Variants in GTF2E2 observed in about 807,000 individuals in gnomAD.
GTF2E2 encodes the protein general transcription factor IIE subunit 2.
In GTF2E2, 21 loss-of-function variants were observed where a neutral mutation model predicts 40.5. That is an observed-to-expected ratio of 0.52 (90% CI 0.37 to 0.75). The LOEUF (loss-of-function observed/expected upper bound fraction) is 0.75, where lower values mean the gene tolerates loss of function less well. Ranked by LOEUF, GTF2E2 falls within the 30% of genes least tolerant of loss-of-function variation. The pLI, the probability that GTF2E2 is intolerant of heterozygous loss-of-function variation, is 0.00. For synonymous variants in GTF2E2, 117 were observed against 121.6 expected (o/e 0.96, Z 0.25); for missense variants, 298 against 338.4 (o/e 0.88, Z 0.94).
At chr8:30,595,421 GT>G (rs1828972447) in intron 6 of GTF2E2, among the ~76,000 whole-genome samples, 1 of 152,214 alleles carries the variant, frequency 6.6e-6, no homozygotes. Flanking sequence ...AATGTCTAAT[GT>G]CATACCTCTT....
intron 2 of GTF2E2, among the ~76,000 whole-genome samples, chr8:30,635,752 T>C (rs1456557645): frequency 1.3e-5 from 2 of 152,020 alleles, no homozygotes; most frequent in Admixed American, 6.6e-5. Context: ...GTACACTTTA[T>C]TAAACAAGGA....
intron 6 of GTF2E2, among the ~76,000 whole-genome samples, chr8:30,606,225 T>C (rs1202944065): frequency 6.6e-6 from 1 of 152,224 alleles, no homozygotes; most frequent in African/African-American, 2.4e-5. Flanking sequence ...ACATGTAAGA[T>C]ACTCAATTGG....
At chr8:30,651,097 T>G (rs957658140) in intron 2 of GTF2E2, among the ~76,000 whole-genome samples, 2 of 151,668 alleles carry the variant, frequency 1.3e-5, no homozygotes, top group African/African-American at 2.4e-5. Flanking sequence ...AAACCTGCAG[T>G]AATATCATGC....
intron 2 of GTF2E2, chr8:30,637,157 T>A (rs1801630050): frequency 4.4e-6 from 2 of 451,922 alleles, no homozygotes; most frequent in African/African-American, 4.0e-5. Flanking sequence ...CACAGATTAT[T>A]CCATCTGAAA....
rs185325016 is a variant in GTF2E2 at position 30,580,015 on chromosome 8, A to C, written c.759+266T>G. On this transcript the variant is annotated intron_variant, in intron 7 of 7. Coordinates refer to ENST00000355904, the MANE Select transcript of GTF2E2 (RefSeq NM_002095.6). Reference sequence around the variant, plus strand: ...AGCAGCTTAGAGTGGGAGAGTGGGGAACACACAGGCCCTGGAAGGTTCCAT... The same window carrying C: ...AGCAGCTTAGAGTGGGAGAGTGGGGCACACACAGGCCCTGGAAGGTTCCAT... 1.7e-3 allele frequency among the ~76,000 whole-genome samples: 255 copies of C among 152,254 alleles called. 1 individual carries two copies. Among genetic ancestry groups the C allele is most frequent in the African/African-American group, 5.8e-3 (239 of 41,540 alleles).
At chr8:30,636,813 A>AT in intron 2 of GTF2E2, 1 of 306,082 alleles carries the variant, frequency 3.3e-6, no homozygotes, top group Non-Finnish European at 6.2e-6. Flanking sequence ...AGATAGTGCC[A>AT]CTGCACTCCA....
At chr8:30,587,843 G>T (rs1828725374) in intron 6 of GTF2E2, among the ~76,000 whole-genome samples, 1 of 133,826 alleles carries the variant, frequency 7.5e-6, no homozygotes, top group Admixed American at 8.3e-5. Context: ...CTGCACTCCA[G>T]CCTGGGCAAC....
At chr8:30,649,396 TG>T (rs1399331073) in intron 2 of GTF2E2, among the ~76,000 whole-genome samples, 1 of 150,856 alleles carries the variant, frequency 6.6e-6, no homozygotes, top group Non-Finnish European at 1.5e-5. Context: ...AATACTGATG[TG>T]GAAATAAAAA....
intron 6 of GTF2E2, among the ~76,000 whole-genome samples, chr8:30,604,870 T>C (rs1472453884): frequency 6.6e-6 from 1 of 151,890 alleles, no homozygotes; most frequent in Non-Finnish European, 1.5e-5. Context: ...AAATGACAAA[T>C]GAAAACGGGT....
intron 3 of GTF2E2, among the ~76,000 whole-genome samples, chr8:30,626,471 G>T (rs6982204): frequency 6.6e-6 from 1 of 152,004 alleles, no homozygotes; most frequent in Admixed American, 6.5e-5. Context: ...ATGACAGAGC[G>T]AGACTCTGTC....
At chr8:30,611,389 G>C (rs180814801) in intron 5 of GTF2E2, among the ~76,000 whole-genome samples, 15 of 152,216 alleles carry the variant, frequency 9.9e-5, no homozygotes, top group African/African-American at 3.6e-4. Context: ...TCGGCTGTTA[G>C]AATAAGAAGA....
At chr8:30,653,669 A>G (rs1802360391) in intron 1 of GTF2E2, 67 bp from the exon 2 acceptor site, 1 of 1,091,568 alleles carries the variant, frequency 9.2e-7, no homozygotes, top group Non-Finnish European at 1.4e-6. Context: ...CCAAATCCAC[A>G]GATCTCAACA....
In GTF2E2 at chr8:30,607,275, T is replaced by A. The variant is rs6990303; in HGVS notation, c.550-125A>T. On this transcript the variant is annotated intron_variant, in intron 5 of 7. Transcript: ENST00000355904. ...CACTCAGTATACCACCATAGGGTCCTCCACCATAGGTCCACTGGACCCAAT... is the reference window on the plus strand; with the variant it reads ...CACTCAGTATACCACCATAGGGTCCACCACCATAGGTCCACTGGACCCAAT... 325,175 of 435,220 alleles carry A rather than the reference T, an allele frequency of 0.75. 122,802 individuals carry two copies. The highest frequency in any genetic ancestry group is 0.8 in the African/African-American group (38,942 of 48,452). 27.0% of individuals were successfully genotyped at this position (435,220 alleles called of 1,614,324 possible).
chr8:30,654,669 C>T (rs1020484751), intron 1 of GTF2E2, among the ~76,000 whole-genome samples: 2 of 152,166 alleles, frequency 1.3e-5, no homozygotes, highest in African/African-American at 4.8e-5. Context: ...TCTCCCAAAG[C>T]ACTAGGATTA....
chr8:30,584,185 T>C (rs1243865788), intron 6 of GTF2E2, among the ~76,000 whole-genome samples: 3 of 148,552 alleles, frequency 2.0e-5, no homozygotes, highest in African/African-American at 7.3e-5. Context: ...CCTATGTCCC[T>C]GACTTGCTTC....
intron 6 of GTF2E2, among the ~76,000 whole-genome samples, chr8:30,601,494 C>G (rs1345491395): frequency 6.6e-6 from 1 of 152,092 alleles, no homozygotes; most frequent in Admixed American, 6.6e-5. Flanking sequence ...TCTAAACAAG[C>G]CAAGGATGCT....
At chr8:30,652,562 C>T (rs975643942) in intron 2 of GTF2E2, among the ~76,000 whole-genome samples, 1 of 139,868 alleles carries the variant, frequency 7.1e-6, no homozygotes, top group East Asian at 2.1e-4. Context: ...AAAAAAAAAA[C>T]AGAATTTCAA....
At position 30,578,454 on chromosome 8, in the gene GTF2E2, C is replaced by CA. The variant is rs1699344637; in HGVS notation, c.*466dup. ...TCCCCAGCACGTGACCCATGGAAATCAGAGACTGGAGCTGCTTCCTGCCAT... is the reference window on the plus strand; with the variant it reads ...TCCCCAGCACGTGACCCATGGAAATCAAGAGACTGGAGCTGCTTCCTGCCAT... On this transcript the variant is annotated 3_prime_UTR_variant, in exon 8 of 8. Transcript: ENST00000355904. The CA allele has an allele frequency of 6.2e-6, 1 of 160,892 alleles. No homozygotes were observed. Among genetic ancestry groups the CA allele is most frequent in the African/African-American group, 2.4e-5 (1 of 41,572 alleles). The allele number at this position is 160,892 out of a possible 1,614,324, so 10.0% of individuals were successfully genotyped here.
At position 30,652,528 on chromosome 8, in the gene GTF2E2, A is replaced by ACT. The variant is rs758082682; in HGVS notation, c.166+903_166+904dup. ...AAAGCCACAATGATAGAACTTCACA[A>ACT]CTATAGAAATAGCTATGATTAAAAA... On this transcript the variant is annotated intron_variant, in intron 2 of 7. Transcript: ENST00000355904. Among the ~76,000 whole-genome samples, 197 of 150,796 alleles carry ACT rather than the reference A, an allele frequency of 1.3e-3. 2 individuals are homozygous for ACT. The highest frequency in any genetic ancestry group is 0.012 in the South Asian group (56 of 4,620).
Sources: gnomAD v4.1 joint callset for allele counts (sites outside exome capture counted in the v4.1 genomes callset) on GRCh38, gnomAD v4.1.1 for gene constraint, MANE v1.5 for transcripts, NCBI Gene and HGNC (gene_info 2026-07-23, HGNC 2026-07-21) for gene names.